JAM3: variants seen among roughly 807,000 people sequenced by gnomAD.
JAM3 encodes junctional adhesion molecule C.
In JAM3, 31 loss-of-function variants were observed where a neutral mutation model predicts 39.4. The observed-to-expected ratio is 0.79, with a 90% CI of 0.59 to 1.06. JAM3 has a LOEUF of 1.06. Among genes scored for constraint, JAM3 ranks in the 50% least tolerant of loss-of-function variants. The pLI, the probability that JAM3 is intolerant of heterozygous loss-of-function variation, is 0.00. For missense variants in JAM3, 455 were observed against 391.4 expected (o/e 1.16, Z -1.37); for synonymous variants, 182 against 148.7 (o/e 1.22, Z -1.63).
intron 1 of JAM3, among the ~76,000 whole-genome samples, chr11:134,099,450 C>A (rs979889648): frequency 1.3e-5 from 2 of 152,194 alleles, no homozygotes; most frequent in Non-Finnish European, 1.5e-5. Flanking sequence ...CCTTTTCTCA[C>A]TGTCTCGCCC....
chr11:134,105,640 C>A (rs1222468544), intron 1 of JAM3, among the ~76,000 whole-genome samples: 1 of 152,214 alleles, frequency 6.6e-6, no homozygotes, highest in Non-Finnish European at 1.5e-5. Context: ...AGCTAATAAG[C>A]AACTTCAGCA....
chr11:134,129,368 G>A lies in JAM3; in HGVS notation c.77-10483G>A, dbSNP rs567701292. Reference sequence around the variant, plus strand: ...CCTGACCTTGTTATCTGCCCACCTCGGCCTCTGAAAGTGCTGGGATTACAG... The same window carrying A: ...CCTGACCTTGTTATCTGCCCACCTCAGCCTCTGAAAGTGCTGGGATTACAG... On this transcript the variant is annotated intron_variant, in intron 1 of 8. Transcript: ENST00000299106. Among the ~76,000 whole-genome samples, 13 of 152,074 alleles carry A rather than the reference G, an allele frequency of 8.5e-5. No homozygotes were observed. In the South Asian group the frequency reaches 1.7e-3, roughly 19 times the overall value.
chr11:134,089,805 A>G (rs369707972), intron 1 of JAM3, among the ~76,000 whole-genome samples: 10 of 152,132 alleles, frequency 6.6e-5, no homozygotes, highest in Non-Finnish European at 1.0e-4. Flanking sequence ...ATGATTTATA[A>G]TCCTTTGGGT....
At chr11:134,147,269 C>G (rs1327138797) in intron 6 of JAM3, among the ~76,000 whole-genome samples, 1 of 151,682 alleles carries the variant, frequency 6.6e-6, no homozygotes, top group South Asian at 2.1e-4. Flanking sequence ...GCCTGGCCAA[C>G]ATGCCAAAAC....
intron 3 of JAM3, among the ~76,000 whole-genome samples, chr11:134,143,461 C>T (rs1943011285): frequency 6.6e-6 from 1 of 152,170 alleles, no homozygotes; most frequent in Admixed American, 6.5e-5. Flanking sequence ...CATGAATTCC[C>T]AGGCTCAAAT....
At chr11:134,069,492 G>A (rs1164834632) in intron 1 of JAM3, among the ~76,000 whole-genome samples, 1 of 151,622 alleles carries the variant, frequency 6.6e-6, no homozygotes, top group Non-Finnish European at 1.5e-5. Context: ...CCTGTGCTGG[G>A]CGGTGGGCTC....
chr11:134,080,283 G>C (rs574073582), intron 1 of JAM3, among the ~76,000 whole-genome samples: 16 of 152,214 alleles, frequency 1.1e-4, no homozygotes, highest in Non-Finnish European at 2.1e-4. Context: ...CACTGTTTTA[G>C]ACCTTGGGGT....
chr11:134,084,919 A>G (rs1941724400), intron 1 of JAM3, among the ~76,000 whole-genome samples: 1 of 152,184 alleles, frequency 6.6e-6, no homozygotes, highest in Non-Finnish European at 1.5e-5. Context: ...TTCCCAGCCA[A>G]GGGAACTTGA....
At chr11:134,116,841 G>A (rs1942443154) in intron 1 of JAM3, among the ~76,000 whole-genome samples, 1 of 151,896 alleles carries the variant, frequency 6.6e-6, no homozygotes, top group South Asian at 2.1e-4. Context: ...ATAAACATTA[G>A]TTTATAGTGG....
intron 1 of JAM3, chr11:134,123,816 ATTTC>A: frequency 1.3e-6 from 1 of 760,422 alleles, no homozygotes; most frequent in African/African-American, 1.7e-5. Context: ...CTTCATTTAC[ATTTC>A]TTTCTACTGA....
At chr11:134,131,919 G>A (rs866392256) in intron 1 of JAM3, among the ~76,000 whole-genome samples, 1 of 151,468 alleles carries the variant, frequency 6.6e-6, no homozygotes, top group Non-Finnish European at 1.5e-5. Flanking sequence ...AAGGAAGGAA[G>A]AAAAGTGAAC....
chr11:134,139,706 C>G (rs1942939521), intron 1 of JAM3, 145 bp from the exon 2 acceptor site: 1 of 704,872 alleles, frequency 1.4e-6, no homozygotes, highest in African/African-American at 1.7e-5. Context: ...CTTGGCTTAC[C>G]TAAGAGACTT....
chr11:134,087,131 A>G (rs994306527), intron 1 of JAM3, among the ~76,000 whole-genome samples: 1 of 152,006 alleles, frequency 6.6e-6, no homozygotes, highest in Non-Finnish European at 1.5e-5. Context: ...CTTTTCCCAA[A>G]CACGCTTAGT....
At chr11:134,141,427 C>A (rs541835684) in intron 3 of JAM3, among the ~76,000 whole-genome samples, 1 of 151,770 alleles carries the variant, frequency 6.6e-6, no homozygotes. Flanking sequence ...CCACTGTTGC[C>A]GGTACATGGA....
At chr11:134,073,189 G>C (rs1376996872) in intron 1 of JAM3, among the ~76,000 whole-genome samples, 7 of 152,180 alleles carry the variant, frequency 4.6e-5, no homozygotes, top group African/African-American at 9.7e-5. Flanking sequence ...AAAGCTTCCT[G>C]AGAGTTAGCC....
At position 134,149,463 on chromosome 11, in the gene JAM3, T is replaced by C. The variant is rs977927268; in HGVS notation, c.*282T>C. On this transcript the variant is annotated 3_prime_UTR_variant, in exon 9 of 9. Coordinates refer to ENST00000299106, the MANE Select transcript of JAM3 (RefSeq NM_032801.5). Reference sequence around the variant, plus strand: ...ATCTGTTTCTGGCCTGATTCCCGCATGAGTATTAGGGTGATCTTAAAGAGT... The same window carrying C: ...ATCTGTTTCTGGCCTGATTCCCGCACGAGTATTAGGGTGATCTTAAAGAGT... The C allele has an allele frequency of 6.9e-6, 4 of 575,750 alleles. No individual in the cohort carries two copies. The African/African-American group carries it at 7.5e-5, about 11-fold the overall frequency. The allele number at this position is 575,750 out of a possible 1,614,324, so 35.7% of individuals were successfully genotyped here.
chr11:134,149,620 C>T lies in JAM3; in HGVS notation c.*439C>T, dbSNP rs1022767168. The T allele has an allele frequency of 6.5e-6, 3 of 462,254 alleles. No individual in the cohort carries two copies. The highest frequency in any genetic ancestry group is 4.0e-5 in the African/African-American group (2 of 50,510). The allele number at this position is 462,254 out of a possible 1,614,324, so 28.6% of individuals were successfully genotyped here. A position where few individuals can be genotyped will look rare whatever the true frequency, so the allele number is the denominator to read the frequency against. On this transcript the variant is annotated 3_prime_UTR_variant, in exon 9 of 9. Coordinates refer to ENST00000299106, the MANE Select transcript of JAM3 (RefSeq NM_032801.5). Reference sequence around the variant, plus strand: ...CACCAGCAGCGCATCCCGGCGGGAACCCAGAAAAGGCTTCTTACACAGCAG... The same window carrying T: ...CACCAGCAGCGCATCCCGGCGGGAATCCAGAAAAGGCTTCTTACACAGCAG...
intron 1 of JAM3, among the ~76,000 whole-genome samples, chr11:134,115,075 C>T (rs778997975): frequency 2.0e-4 from 31 of 152,086 alleles, no homozygotes; most frequent in Non-Finnish European, 3.2e-4. Flanking sequence ...GATGAATTGA[C>T]CTCTTTATCG....
rs1418801393 is a variant in JAM3, at chr11:134,148,750, T to G, written c.843-14T>G. On this transcript the variant is annotated splice_polypyrimidine_tract_variant and intron_variant, in intron 7 of 8. Coordinates refer to ENST00000299106, the MANE Select transcript of JAM3 (RefSeq NM_032801.5). The stretch of plus-strand genomic sequence containing the variant: ...TAACAACCCTGTTGCTAAACTGCTC[T>G]CTTCTCCTCATAGTTACAAGAACCC... 1 of 1,614,020 alleles carries G rather than the reference T, an allele frequency of 6.2e-7. No individual in the cohort carries two copies. Among genetic ancestry groups the G allele is most frequent in the Non-Finnish European group, 8.5e-7 (1 of 1,180,010 alleles).
Sources: allele counts gnomAD v4.1 joint callset (sites outside exome capture counted in the v4.1 genomes callset), GRCh38; gene constraint gnomAD v4.1.1; transcripts MANE v1.5; gene names NCBI Gene and HGNC (gene_info 2026-07-23, HGNC 2026-07-21).